KIF1B: variants seen among roughly 807,000 people sequenced by gnomAD.
KIF1B encodes kinesin family member 1B, also known as kinesin-like protein KIF1B.
A neutral mutation model predicts 241.9 loss-of-function variants in KIF1B; 76 were observed. The ratio of observed to expected loss-of-function variants is 0.31; its 90% CI spans 0.26 to 0.38. The LOEUF (loss-of-function observed/expected upper bound fraction) is 0.38, where lower values mean the gene tolerates loss of function less well. Ranked by LOEUF, KIF1B falls within the 10% of genes least tolerant of loss-of-function variation. The pLI is 1.00. For synonymous variants in KIF1B, 750 were observed against 796.7 expected (o/e 0.94, Z 0.99); for missense variants, 1,622 against 2,271.4 (o/e 0.71, Z 5.81).
Position 10,282,448 on chromosome 1 carries a change from G to A in KIF1B, c.1349G>A (p.Ser450Asn). 6.2e-7 allele frequency: 1 copy of A among 1,614,160 alleles called. No individual in the cohort carries two copies. Residue 450 changes from serine to asparagine, a missense_variant, in exon 15 of 49, where the codon AGT becomes AAT. By Grantham distance (46) the Ser-to-Asn change is conservative. This residue lies in a region of KIF1B where 201 missense variants were observed against 301.2 expected (regional missense o/e 0.67). Coordinates refer to ENST00000676179, the MANE Select transcript of KIF1B (RefSeq NM_001365951.3). The part of the protein sequence containing the change: ...TSSPSSCSLS[S>N]QVGLTSVTSI... Reference sequence around the variant, plus strand: ...TCCCCATCTTCCTGCTCACTCAGTAGTCAGGTGGGCTTGACGTCTGTGACC... The same window carrying A: ...TCCCCATCTTCCTGCTCACTCAGTAATCAGGTGGGCTTGACGTCTGTGACC...
At chr1:10,343,881 C>T (rs1400990454) in intron 34 of KIF1B, among the ~76,000 whole-genome samples, 9 of 152,186 alleles carry the variant, frequency 5.9e-5, no homozygotes. Flanking sequence ...CACTCTGTTC[C>T]TAAATCTTTC....
chr1:10,211,519 C>A (rs1400541479), intron 1 of KIF1B: 5 of 152,202 alleles, frequency 3.3e-5, no homozygotes, highest in Non-Finnish European at 7.3e-5. Context: ...CTGACAAATC[C>A]TTTAGGAGCC....
At chr1:10,291,972 ATTT>A in intron 16 of KIF1B, 72 bp from the exon 17 acceptor site, 1 of 1,307,020 alleles carries the variant, frequency 7.7e-7, no homozygotes, top group Non-Finnish European at 1.1e-6. Flanking sequence ...TGCAGGCTTT[ATTT>A]TCCAATTCAT....
chr1:10,364,272 T>C (rs1427365458), intron 41 of KIF1B, among the ~76,000 whole-genome samples: 1 of 150,686 alleles, frequency 6.6e-6, no homozygotes, highest in East Asian at 2.0e-4. Flanking sequence ...TGGCGCCATC[T>C]TGGCTCACTG....
In KIF1B at chr1:10,304,059, C is replaced by A. The variant is rs779441530; in HGVS notation, c.2115+6813C>A. 3 of 1,611,610 alleles carry A rather than the reference C, an allele frequency of 1.9e-6. No individual in the cohort carries two copies. The Admixed American group carries it at 5.0e-5, about 27-fold the overall frequency. ...TCATCCCTCCTGAGAACCGGAAGCC[C>A]CGCTTCCCCTTTAAGAGCAACCCTA... On this transcript the variant is annotated intron_variant, in intron 22 of 48. Coordinates refer to ENST00000676179, the MANE Select transcript of KIF1B (RefSeq NM_001365951.3).
intron 22 of KIF1B, among the ~76,000 whole-genome samples, chr1:10,316,412 G>A (rs1019914500): frequency 2.0e-5 from 3 of 151,494 alleles, no homozygotes; most frequent in Non-Finnish European, 4.4e-5. Flanking sequence ...TTCTTAAATA[G>A]ATATCTGGGC....
chr1:10,235,279 TCTCA>T (rs1333605537), intron 2 of KIF1B, among the ~76,000 whole-genome samples: 4 of 152,126 alleles, frequency 2.6e-5, no homozygotes, highest in Non-Finnish European at 5.9e-5. Context: ...TGAAACAGGA[TCTCA>T]CTCTTGTTAC....
intron 22 of KIF1B, among the ~76,000 whole-genome samples, chr1:10,298,745 C>T (rs1650390651): frequency 6.6e-6 from 1 of 152,088 alleles, no homozygotes; most frequent in Non-Finnish European, 1.5e-5. Flanking sequence ...TTGTATAGTG[C>T]TTTATAATTT....
intron 22 of KIF1B, among the ~76,000 whole-genome samples, chr1:10,319,090 T>A (rs896566348): frequency 5.9e-5 from 9 of 151,826 alleles, no homozygotes; most frequent in Non-Finnish European, 1.2e-4. Flanking sequence ...ATCTGATTTG[T>A]ATTACAATAA....
intron 28 of KIF1B, among the ~76,000 whole-genome samples, 196 bp from the exon 29 acceptor site, chr1:10,336,461 T>C (rs1010434704): frequency 1.3e-5 from 2 of 152,212 alleles, no homozygotes; most frequent in African/African-American, 2.4e-5. Context: ...ACCGATTCTT[T>C]ATTGACTAGT....
At chr1:10,369,876 G>A (rs1258082232) in intron 44 of KIF1B, among the ~76,000 whole-genome samples, 1 of 151,752 alleles carries the variant, frequency 6.6e-6, no homozygotes, top group African/African-American at 2.4e-5. Flanking sequence ...AGGTTGCAGT[G>A]AGCCAAGATC....
rs771415270 is a variant in KIF1B at position 10,326,300 on chromosome 1, C to G, written c.2865C>G (p.Leu955=). 2 of 1,614,212 alleles carry G rather than the reference C, an allele frequency of 1.2e-6. No homozygotes were observed. The highest frequency in any genetic ancestry group is 2.2e-5 in the South Asian group (2 of 91,082). ...CAGGGACGGAGGAGGGATCAGATCT[C>G]TTCAGTGACGGGCATGACCCGTTTT... ...SDAGTEEGSD[L]FSDGHDPFYD... is the part of the protein sequence containing the mutation. The change falls in exon 27 of 49, where the codon CTC becomes CTG. Residue 955 remains leucine (L), a synonymous_variant. Transcript: ENST00000676179. This position sits in a 1 kb window ranked among gnomAD's most constrained non-coding sequence, Gnocchi z 5.2.
At chr1:10,371,082 T>C in intron 44 of KIF1B, 59 bp from the exon 45 acceptor site, 1 of 1,611,472 alleles carries the variant, frequency 6.2e-7, no homozygotes, top group Non-Finnish European at 8.5e-7. Context: ...TCCCTATTGT[T>C]ACTGTAGAGG....
intron 1 of KIF1B, among the ~76,000 whole-genome samples, chr1:10,220,192 G>A (rs1236453473): frequency 6.9e-6 from 1 of 144,412 alleles, no homozygotes; most frequent in Non-Finnish European, 1.5e-5. Flanking sequence ...CAACAAAAGC[G>A]AAACTCCGTC....
intron 38 of KIF1B, among the ~76,000 whole-genome samples, chr1:10,353,184 G>C (rs1652860523): frequency 6.6e-6 from 1 of 152,142 alleles, no homozygotes; most frequent in Non-Finnish European, 1.5e-5. Context: ...GAAGCCTCTT[G>C]TGTTAAGTCT....
In KIF1B at chr1:10,216,957, C is replaced by CTTTTTTTTTTTT. The variant is rs70998362; in HGVS notation, c.-80+6102_-80+6113dup. On this transcript the variant is annotated intron_variant, in intron 1 of 48. Transcript: ENST00000676179. ...TTTCCCTGCAGTACTTGCCCATTTT[C>CTTTTTTTTTTTT]TTTTTTTTTTTTTTTTTTTTTTTTT... Among the ~76,000 whole-genome samples the CTTTTTTTTTTTT allele has an allele frequency of 3.9e-4, 21 of 54,522 alleles. 4 individuals carry two copies. The East Asian group carries it at 0.011, about 29-fold the overall frequency. 35.8% of individuals were successfully genotyped at this position (54,522 alleles called of 152,430 possible).
In KIF1B at chr1:10,365,798, C is replaced by A; in HGVS notation, c.4752+150C>A. 1 of 1,155,650 alleles carries A rather than the reference C, an allele frequency of 8.7e-7. No individual in the cohort carries two copies. Among genetic ancestry groups the A allele is most frequent in the Non-Finnish European group, 1.3e-6 (1 of 798,254 alleles). 71.6% of individuals were successfully genotyped at this position (1,155,650 alleles called of 1,614,324 possible). A position where few individuals can be genotyped will look rare whatever the true frequency, so the allele number is the denominator to read the frequency against. On this transcript the variant is annotated intron_variant, in intron 43 of 48. Transcript: ENST00000676179. This position sits in a 1 kb window ranked among gnomAD's most constrained non-coding sequence, Gnocchi z 4.0. Reference sequence around the variant, plus strand: ...AGAAATAAAAAGACGCAGTTCCTACCCTCAACAAGCTTACAGGGCCAGGCA... The same window carrying A: ...AGAAATAAAAAGACGCAGTTCCTACACTCAACAAGCTTACAGGGCCAGGCA...
intron 24 of KIF1B, among the ~76,000 whole-genome samples, chr1:10,322,318 G>T (rs1651554575): frequency 6.6e-6 from 1 of 152,166 alleles, no homozygotes; most frequent in East Asian, 1.9e-4. Flanking sequence ...TCCAGTCCCA[G>T]CTCCACGAGT....
chr1:10,304,140 T>C, intron 22 of KIF1B: 2 of 1,614,066 alleles, frequency 1.2e-6, no homozygotes, highest in Non-Finnish European at 1.7e-6. Context: ...AAGATGAGGT[T>C]ATAGAGCTTA....
Sources: allele counts gnomAD v4.1 joint callset (sites outside exome capture counted in the v4.1 genomes callset), GRCh38; gene constraint gnomAD v4.1.1; regional missense constraint gnomAD v4.1.1; non-coding constraint Gnocchi (gnomAD v3.1); transcripts MANE v1.5; gene names NCBI Gene and HGNC (gene_info 2026-07-23, HGNC 2026-07-21).